ARID2: variants seen among roughly 807,000 people sequenced by gnomAD.
ARID2 encodes the protein AT-rich interactive domain-containing protein 2.
A neutral mutation model predicts 184.6 loss-of-function variants in ARID2; 32 were observed. That is an observed-to-expected ratio of 0.17 (90% confidence interval 0.13 to 0.23). ARID2 has a LOEUF of 0.23. Among genes scored for constraint, ARID2 ranks in the 10% least tolerant of loss-of-function variants. The pLI, the probability that ARID2 is intolerant of heterozygous loss-of-function variation, is 1.00. For synonymous variants in ARID2, 836 were observed against 772.6 expected (o/e 1.08, Z -1.36); for missense variants, 1,696 against 2,197.6 (o/e 0.77, Z 4.56).
At chr12:45,746,910 G>T (rs763256325) in intron 3 of ARID2, among the ~76,000 whole-genome samples, 1 of 152,162 alleles carries the variant, frequency 6.6e-6, no homozygotes, top group Non-Finnish European at 1.5e-5. Context: ...GGGACTACAG[G>T]CGCTCGCCAC....
chr12:45,770,232 G>A (rs1478889625), intron 3 of ARID2, among the ~76,000 whole-genome samples: 5 of 151,242 alleles, frequency 3.3e-5, no homozygotes, highest in Admixed American at 6.6e-5. Flanking sequence ...CAGCCTGGGC[G>A]ACAGAGCGAG....
At chr12:45,859,568 G>A (rs537274266) in intron 15 of ARID2, among the ~76,000 whole-genome samples, 1 of 152,142 alleles carries the variant, frequency 6.6e-6, no homozygotes, top group East Asian at 1.9e-4. Flanking sequence ...ATTTCTATAA[G>A]AAATTTAACA....
At chr12:45,775,695 T>G (rs1485197900) in intron 3 of ARID2, among the ~76,000 whole-genome samples, 1 of 152,216 alleles carries the variant, frequency 6.6e-6, no homozygotes, top group Non-Finnish European at 1.5e-5. Flanking sequence ...AAGTCATGAT[T>G]CCACTTTAGG....
At chr12:45,890,455 T>G (rs1944283010) in intron 16 of ARID2, among the ~76,000 whole-genome samples, 1 of 152,220 alleles carries the variant, frequency 6.6e-6, no homozygotes, top group Non-Finnish European at 1.5e-5. Context: ...TAATAGTATT[T>G]AGGTAATGTC....
chr12:45,778,123 C>T (rs117749263), intron 3 of ARID2, among the ~76,000 whole-genome samples: 2,989 of 152,154 alleles, frequency 0.02, 42 homozygotes, highest in Middle Eastern at 0.031. Context: ...AGTGGAATCG[C>T]TTGAACCCGG....
intron 15 of ARID2, among the ~76,000 whole-genome samples, chr12:45,854,464 T>C (rs886885995): frequency 2.0e-5 from 3 of 152,164 alleles, no homozygotes; most frequent in African/African-American, 7.2e-5. Flanking sequence ...TGATGGAAAA[T>C]ACTGTATCAT....
chr12:45,874,368 C>G, intron 16 of ARID2: 1 of 174,884 alleles, frequency 5.7e-6, no homozygotes, highest in Non-Finnish European at 1.2e-5. Flanking sequence ...CTTCTCAAAC[C>G]CTGCTGCTAT....
chr12:45,808,846 C>T lies in ARID2; in HGVS notation c.285-2572C>T, dbSNP rs568396148. 2.0e-5 allele frequency among the ~76,000 whole-genome samples: 3 copies of T among 152,194 alleles called. No individual in the cohort carries two copies. The South Asian group carries it at 6.2e-4, about 32-fold the overall frequency. ...GTGGCACAATCTTGGCTCACTGTAA[C>T]CTCGGCCTCCCAGATTCAAACAATT... On this transcript the variant is annotated intron_variant, in intron 3 of 20. Coordinates refer to ENST00000334344, the MANE Select transcript of ARID2 (RefSeq NM_152641.4).
At chr12:45,779,606 C>T (rs1281491274) in intron 3 of ARID2, among the ~76,000 whole-genome samples, 1 of 152,046 alleles carries the variant, frequency 6.6e-6, no homozygotes, top group East Asian at 1.9e-4. Flanking sequence ...TTGGGAATCA[C>T]CATTGATTAA....
At position 45,848,848 on chromosome 12, in the gene ARID2, T is replaced by C; in HGVS notation, c.1593T>C (p.His531=). ...TCTCCTCTTTTAGGCTAAATGCTCA[T>C]TTTGAAGTAAATCCAGATTGTTCTG... is the stretch of plus-strand genomic sequence containing the variant. ...EKFACQWLNA[H]FEVNPDCSVS... is the part of the protein sequence containing the mutation. Residue 531 remains histidine, a synonymous_variant, in exon 13 of 21, where the codon CAT becomes CAC. Transcript: ENST00000334344. 1 of 1,611,320 alleles carries C rather than the reference T, an allele frequency of 6.2e-7. No individual in the cohort carries two copies.
Position 45,852,486 on chromosome 12 carries a change from A to C in ARID2, c.4363A>C (p.Ser1455Arg), listed in dbSNP as rs1943572578. Reference sequence around the variant, plus strand: ...TTTGCTTAATGGACCTCTAGCTTCAAGTTTGAATTCAGATGTGCCTCAGCA... The same window carrying C: ...TTTGCTTAATGGACCTCTAGCTTCACGTTTGAATTCAGATGTGCCTCAGCA... ...TDLLNGPLASSLNSDVPQQRP... is the reference protein window; with the variant it reads ...TDLLNGPLASRLNSDVPQQRP... Residue 1455 changes from serine (S) to arginine (R), a missense_variant, in exon 15 of 21, where the codon AGT becomes CGT. Transcript: ENST00000334344. 1 of 1,614,194 alleles carries C rather than the reference A, an allele frequency of 6.2e-7. No homozygotes were observed. Among genetic ancestry groups the C allele is most frequent in the South Asian group, 1.1e-5 (1 of 91,088 alleles).
At chr12:45,732,043 G>C (rs1301347158) in intron 3 of ARID2, among the ~76,000 whole-genome samples, 2 of 150,386 alleles carry the variant, frequency 1.3e-5, no homozygotes, top group African/African-American at 4.9e-5. Flanking sequence ...ATGTGATACA[G>C]TCTAGATGAT....
intron 20 of ARID2, among the ~76,000 whole-genome samples, chr12:45,900,837 C>T (rs1944447406): frequency 6.6e-6 from 1 of 152,142 alleles, no homozygotes; most frequent in Non-Finnish European, 1.5e-5. Flanking sequence ...TTGGTGTATT[C>T]TAGCACCAGC....
Position 45,852,639 on chromosome 12 carries a change from A to G in ARID2, c.4516A>G (p.Thr1506Ala), listed in dbSNP as rs2138180293. Residue 1506 changes from threonine to alanine, a missense_variant, in exon 15 of 21, where the codon ACA (threonine) becomes GCA (alanine). Thr to Ala is a moderately conservative substitution (Grantham distance 58, BLOSUM62 0). Around this residue, in one of 11 missense-constraint regions of ARID2, gnomAD observed 428 missense variants for 409.1 expected, o/e 1.05. Transcript: ENST00000334344. ...SPALSSDVRS[T>A]NGTAECKTVK... ...TGCCCTATCATCTGACGTTCGGTCT[A>G]CAAATGGCACAGCAGAATGCAAAAC... The G allele has an allele frequency of 3.1e-6, 5 of 1,614,214 alleles. No homozygotes were observed. Among genetic ancestry groups the G allele is most frequent in the Non-Finnish European group, 4.2e-6 (5 of 1,180,010 alleles).
Position 45,844,141 on chromosome 12 carries a change from G to C in ARID2, c.1499-2715G>C, listed in dbSNP as rs116661549. ...TAGTGTTGAGCTCGGGAGCTCAATC[G>C]ATCCCCCTACCTCAGGCTCCTGAGT... On this transcript the variant is annotated intron_variant, in intron 11 of 20. Coordinates refer to ENST00000334344, the MANE Select transcript of ARID2 (RefSeq NM_152641.4). 3.4e-5 allele frequency among the ~76,000 whole-genome samples: 5 copies of C among 145,866 alleles called. No individual in the cohort carries two copies. In the East Asian group the frequency reaches 1.0e-3, roughly 30 times the overall value.
chr12:45,863,489 G>C (rs951899864), intron 16 of ARID2, among the ~76,000 whole-genome samples: 1 of 152,028 alleles, frequency 6.6e-6, no homozygotes, highest in African/African-American at 2.4e-5. Flanking sequence ...GGGATGCTGA[G>C]AACTGGAGAA....
chr12:45,761,016 T>A (rs904215798), intron 3 of ARID2, among the ~76,000 whole-genome samples: 2 of 152,150 alleles, frequency 1.3e-5, no homozygotes, highest in Admixed American at 1.3e-4. Context: ...TGTGAGCCAT[T>A]GTTCCTGGCC....
chr12:45,823,976 A>C (rs973382260), intron 6 of ARID2, among the ~76,000 whole-genome samples: 1 of 152,146 alleles, frequency 6.6e-6, no homozygotes, highest in African/African-American at 2.4e-5. Flanking sequence ...GCAAGTACAC[A>C]ACAGAAAAAG....
chr12:45,903,798 C>T (rs1000944806), intron 20 of ARID2, among the ~76,000 whole-genome samples: 2 of 151,760 alleles, frequency 1.3e-5, no homozygotes, highest in South Asian at 2.1e-4. Flanking sequence ...TTCTTTTATT[C>T]GGAGTTATTT....
Sources: gnomAD v4.1 joint callset for allele counts (sites outside exome capture counted in the v4.1 genomes callset) on GRCh38, gnomAD v4.1.1 for gene constraint, gnomAD v4.1.1 regional missense constraint, MANE v1.5 for transcripts, NCBI Gene and HGNC (gene_info 2026-07-23, HGNC 2026-07-21) for gene names.